ARMH4: variants seen among roughly 807,000 people sequenced by gnomAD.
The protein encoded by ARMH4 is armadillo-like helical domain-containing protein 4.
In ARMH4, 49 loss-of-function variants were observed where a neutral mutation model predicts 61.9. That is an observed-to-expected ratio of 0.79 (90% CI 0.63 to 1.00). The LOEUF is 1.00. ARMH4 is among the 50% of genes least tolerant of loss of function. The pLI, the probability that ARMH4 is intolerant of heterozygous loss-of-function variation, is 0.00. For synonymous variants in ARMH4, 368 were observed against 341.5 expected (o/e 1.08, Z -0.85); for missense variants, 934 against 930.0 (o/e 1.00, Z -0.06).
At position 58,081,504 on chromosome 14, in the gene ARMH4, C is replaced by CT. The variant is rs775771053; in HGVS notation, c.2089+15219dup. Among the ~76,000 whole-genome samples the CT allele has an allele frequency of 8.1e-3, 1,142 of 141,828 alleles. 17 individuals carry two copies. The highest frequency in any genetic ancestry group is 0.024 in the African/African-American group (935 of 38,960). The allele number at this position is 141,828 out of a possible 152,430, so 93.0% of individuals were successfully genotyped here. ...ACACTCTCAAATTTTAAGTTCATAT[C>CT]TTTTTTTTTTTTTTTAGACGGAATC... On this transcript the variant is annotated intron_variant, in intron 5 of 7. Coordinates refer to ENST00000267485, the MANE Select transcript of ARMH4 (RefSeq NM_001001872.4).
intron 4 of ARMH4, among the ~76,000 whole-genome samples, chr14:58,126,408 A>C (rs1332581610): frequency 2.6e-5 from 4 of 152,204 alleles, no homozygotes; most frequent in African/African-American, 9.6e-5. Flanking sequence ...AAGAGAGATA[A>C]CACCACTATC....
At chr14:58,107,850 A>G (rs180739840) in intron 4 of ARMH4, among the ~76,000 whole-genome samples, 196 of 151,956 alleles carry the variant, frequency 1.3e-3, no homozygotes, top group African/African-American at 4.7e-3. Flanking sequence ...CCAGGCATGG[A>G]CTGAGCGCAT....
At chr14:58,086,313 C>A in intron 5 of ARMH4, among the ~76,000 whole-genome samples, 1 of 152,118 alleles carries the variant, frequency 6.6e-6, no homozygotes, top group Non-Finnish European at 1.5e-5. Flanking sequence ...CTGGAAAAAA[C>A]TAGCCTCAAA....
rs551411961 is a variant in ARMH4 at position 58,131,505 on chromosome 14, T to C, written c.1831+7A>G. On this transcript the variant is annotated splice_region_variant and intron_variant, in intron 4 of 7. Coordinates refer to ENST00000267485, the MANE Select transcript of ARMH4 (RefSeq NM_001001872.4). ...CCTTGAAAAGATCCCCTTCAAAGCA[T>C]GAATACCTTCAGATTCAAGTTGGTC... The C allele has an allele frequency of 7.4e-6, 12 of 1,611,198 alleles. No homozygotes were observed. In the South Asian group the frequency reaches 9.9e-5, roughly 13 times the overall value.
At chr14:58,061,374 C>T (rs1187462627) in intron 5 of ARMH4, among the ~76,000 whole-genome samples, 2 of 152,120 alleles carry the variant, frequency 1.3e-5, no homozygotes, top group Non-Finnish European at 2.9e-5. Context: ...TAACCATTAC[C>T]GTGTAAAGCC....
chr14:58,152,045 C>T (rs906457452), intron 1 of ARMH4, 30 bp downstream of exon 1: 1 of 152,804 alleles, frequency 6.5e-6, no homozygotes, highest in Non-Finnish European at 1.5e-5. Context: ...CCGCGGCCGC[C>T]CAAGTGGCCG....
chr14:58,140,058 C>A (rs1029493974), intron 1 of ARMH4, among the ~76,000 whole-genome samples: 2 of 150,976 alleles, frequency 1.3e-5, no homozygotes, highest in Non-Finnish European at 2.9e-5. Flanking sequence ...CACCTGAGGT[C>A]AGGAGTTAGA....
At chr14:58,121,014 T>C (rs1159734482) in intron 4 of ARMH4, among the ~76,000 whole-genome samples, 1 of 152,204 alleles carries the variant, frequency 6.6e-6, no homozygotes, top group Admixed American at 6.5e-5. Context: ...ATTCATGATT[T>C]GTAGGGCATG....
intron 5 of ARMH4, among the ~76,000 whole-genome samples, chr14:58,049,884 G>A (rs1884078214): frequency 1.3e-5 from 2 of 152,106 alleles, no homozygotes; most frequent in Admixed American, 1.3e-4. Context: ...CTCCACTACT[G>A]CTCAGAAAAA....
intron 3 of ARMH4, among the ~76,000 whole-genome samples, chr14:58,131,927 G>A (rs991112167): frequency 2.2e-4 from 34 of 152,252 alleles, no homozygotes; most frequent in African/African-American, 7.9e-4. Flanking sequence ...TTGTCTTACA[G>A]GAAAATGTAT....
intron 5 of ARMH4, among the ~76,000 whole-genome samples, chr14:58,051,972 C>T (rs1884158622): frequency 6.6e-6 from 1 of 152,148 alleles, no homozygotes; most frequent in Non-Finnish European, 1.5e-5. Context: ...CAACTTTCAA[C>T]CTCTCGATTC....
chr14:58,041,813 A>T (rs1310008948), intron 5 of ARMH4, among the ~76,000 whole-genome samples: 1 of 152,218 alleles, frequency 6.6e-6, no homozygotes, highest in African/African-American at 2.4e-5. Context: ...CGGATAAAAC[A>T]GACTTTAAAC....
At chr14:58,056,723 C>G (rs1749681710) in intron 5 of ARMH4, among the ~76,000 whole-genome samples, 1 of 152,150 alleles carries the variant, frequency 6.6e-6, no homozygotes. Context: ...CCACACAACC[C>G]CTCATCAGTG....
intron 5 of ARMH4, among the ~76,000 whole-genome samples, chr14:58,079,132 A>C (rs1885141622): frequency 6.6e-6 from 1 of 152,218 alleles, no homozygotes; most frequent in African/African-American, 2.4e-5. Context: ...AATGATAACT[A>C]CTTATAAAAC....
Position 58,138,489 on chromosome 14 carries a change from C to A in ARMH4, c.870G>T (p.Leu290=), listed in dbSNP as rs1315119751. 1.4e-5 allele frequency: 23 copies of A among 1,614,098 alleles called. No homozygotes were observed. Among genetic ancestry groups the A allele is most frequent in the Non-Finnish European group, 1.9e-5 (22 of 1,180,040 alleles). The change falls in exon 2 of 8, where the codon CTG becomes CTT. Residue 290 remains leucine, a synonymous_variant. Coordinates refer to ENST00000267485, the MANE Select transcript of ARMH4 (RefSeq NM_001001872.4). ...TLSVEPETDS[L]LGAPEVTVSV... is the part of the protein sequence containing the mutation. ...TCACTGTGACTTCTGGGGCTCCCAG[C>A]AGACTATCAGTTTCTGGCTCAACAC... is the stretch of plus-strand genomic sequence containing the variant.
intron 5 of ARMH4, among the ~76,000 whole-genome samples, chr14:58,030,180 G>A (rs1883177157): frequency 6.6e-6 from 1 of 152,170 alleles, no homozygotes; most frequent in Non-Finnish European, 1.5e-5. Context: ...GGGTGCCATA[G>A]AGAGGGGAGA....
chr14:58,006,773 G>C (rs1033032814), intron 6 of ARMH4, among the ~76,000 whole-genome samples: 1 of 136,458 alleles, frequency 7.3e-6, no homozygotes, highest in Admixed American at 7.4e-5. Context: ...GGTGAGGGGA[G>C]GGGGGAGGGA....
chr14:58,044,880 A>G (rs1482403626), intron 5 of ARMH4, among the ~76,000 whole-genome samples: 1 of 152,252 alleles, frequency 6.6e-6, no homozygotes, highest in Admixed American at 6.5e-5. Context: ...GTCACTGGCC[A>G]TCAGAGAAAT....
intron 5 of ARMH4, among the ~76,000 whole-genome samples, chr14:58,089,709 A>G (rs1885496995): frequency 6.6e-6 from 1 of 152,220 alleles, no homozygotes; most frequent in Non-Finnish European, 1.5e-5. Context: ...GAAGGCTCTA[A>G]TATTGGAAAG....
Sources: allele counts gnomAD v4.1 joint callset (sites outside exome capture counted in the v4.1 genomes callset), GRCh38; gene constraint gnomAD v4.1.1; transcripts MANE v1.5; gene names NCBI Gene and HGNC (gene_info 2026-07-23, HGNC 2026-07-21).